Variants in ADGRE2 observed in about 807,000 individuals in gnomAD.
The protein encoded by ADGRE2 is adhesion G protein-coupled receptor E2.
ADGRE2 carries 83 observed loss-of-function variants against 100.8 expected under a neutral mutation model. That is an observed-to-expected ratio of 0.82 (90% confidence interval 0.69 to 0.99). ADGRE2 has a LOEUF of 0.99. Ranked by LOEUF, ADGRE2 falls within the 50% of genes least tolerant of loss-of-function variation. ADGRE2 has a pLI of 0.00. For synonymous variants in ADGRE2, 355 were observed against 413.0 expected (o/e 0.86, Z 1.70); for missense variants, 814 against 1,035.7 (o/e 0.79, Z 2.94).
rs1246522992 is a variant in ADGRE2 at position 14,732,990 on chromosome 19, C to G, written c.*3246G>C. ...TAGGTAGACTCTATGGGGATATGGGCTCTACACTCATAGGGACCCACATGT... is the reference window on the plus strand; with the variant it reads ...TAGGTAGACTCTATGGGGATATGGGGTCTACACTCATAGGGACCCACATGT... On this transcript the variant is annotated 3_prime_UTR_variant, in exon 21 of 21. Coordinates refer to ENST00000315576, the MANE Select transcript of ADGRE2 (RefSeq NM_013447.4). 1 of 151,952 alleles carries G rather than the reference C, an allele frequency of 6.6e-6. No individual in the cohort carries two copies. Among genetic ancestry groups the G allele is most frequent in the Non-Finnish European group, 1.5e-5 (1 of 67,998 alleles). 9.4% of individuals were successfully genotyped at this position (151,952 alleles called of 1,614,324 possible). A position where few individuals can be genotyped will look rare whatever the true frequency, so the allele number is the denominator to read the frequency against.
At chr19:14,746,345 T>G in intron 17 of ADGRE2, 22 bp from the exon 18 acceptor site, 1 of 1,399,470 alleles carries the variant, frequency 7.1e-7, no homozygotes, top group Non-Finnish European at 1.0e-6. Context: ...CACAGAAGAT[T>G]TGTTGAATAG....
chr19:14,744,111 G>A (rs1010696740), intron 18 of ADGRE2, among the ~76,000 whole-genome samples: 1 of 151,818 alleles, frequency 6.6e-6, no homozygotes, highest in African/African-American at 2.4e-5. Context: ...GTGTGGTCGG[G>A]GGGGCGCCTG....
At chr19:14,745,282 G>C (rs534267763) in intron 18 of ADGRE2, among the ~76,000 whole-genome samples, 1 of 152,006 alleles carries the variant, frequency 6.6e-6, no homozygotes, top group Admixed American at 6.6e-5. Context: ...TTATTGATTC[G>C]TAATGTTTGT....
At chr19:14,729,058 G>A (rs2042651295), downstream of ADGRE2, among the ~76,000 whole-genome samples, 3 of 152,186 alleles carry the variant, frequency 2.0e-5, no homozygotes, top group South Asian at 6.2e-4. Flanking sequence ...GGTGGAACGG[G>A]TGCAGAATGC....
chr19:14,748,964 T>A (rs1415442740), intron 16 of ADGRE2, among the ~76,000 whole-genome samples: 1 of 152,076 alleles, frequency 6.6e-6, no homozygotes, highest in East Asian at 1.9e-4. Flanking sequence ...ATCCCAGGAA[T>A]GTAAGGCTAG....
intron 12 of ADGRE2, 151 bp from the exon 13 acceptor site, chr19:14,756,028 A>G (rs2043490713): frequency 2.6e-6 from 2 of 768,814 alleles, no homozygotes; most frequent in Non-Finnish European, 4.3e-6. Context: ...CTTTAGTTCT[A>G]TGTGTATCAC....
At chr19:14,750,559 T>A (rs2043254277) in intron 16 of ADGRE2, among the ~76,000 whole-genome samples, 1 of 140,554 alleles carries the variant, frequency 7.1e-6, no homozygotes, top group Non-Finnish European at 1.5e-5. Context: ...TTTCAACCAG[T>A]GCAATTGGCA....
At chr19:14,746,375 C>CCT in intron 17 of ADGRE2, 52 bp from the exon 18 acceptor site, 2 of 777,282 alleles carry the variant, frequency 2.6e-6, no homozygotes, top group Non-Finnish European at 4.1e-6. Context: ...CCTGTTATCT[C>CCT]TTTTTTTTTT....
chr19:14,726,561 A>G, the ADGRE2 span, among the ~76,000 whole-genome samples: 1 of 152,148 alleles, frequency 6.6e-6, no homozygotes, highest in Non-Finnish European at 1.5e-5. Context: ...CTTTGCTCCC[A>G]CATCTGACTG....
intron 4 of ADGRE2, among the ~76,000 whole-genome samples, chr19:14,773,108 A>AAAAAAAAAAC (rs2044279405): frequency 6.8e-6 from 1 of 147,506 alleles, no homozygotes; most frequent in African/African-American, 2.5e-5. Flanking sequence ...ACAAAAAAAA[A>AAAAAAAAAAC]AAGAAAAAAG....
At chr19:14,740,689 T>G (rs1192563290) in intron 20 of ADGRE2, among the ~76,000 whole-genome samples, 1 of 151,552 alleles carries the variant, frequency 6.6e-6, no homozygotes, top group East Asian at 1.9e-4. Flanking sequence ...GTGGAAAAAG[T>G]GCCTGGCAGC....
intron 13 of ADGRE2, 143 bp from the exon 14 acceptor site, chr19:14,755,270 CTA>C (rs2043452908): frequency 6.0e-6 from 3 of 497,592 alleles, no homozygotes; most frequent in South Asian, 2.3e-5. Flanking sequence ...CCCATCTCTA[CTA>C]AAAAAAAAAA....
In ADGRE2 at chr19:14,743,526, C is replaced by T. The variant is rs117617387; in HGVS notation, c.2357G>A (p.Arg786Gln). 0.016 allele frequency: 26,504 copies of T among 1,613,930 alleles called. 258 individuals carry two copies. The highest frequency in any genetic ancestry group is 0.021 in the South Asian group (1,925 of 91,068). ...LVYCLLSQQV[R>Q]EQYGKWSKGI... ...TTTGGACCATTTCCCATATTGCTCC[C>T]GGACCTGCAGAGGCAAAGTGTGTAC... The change falls in exon 20 of 21, where the codon CGG (arginine) becomes CAG (glutamine). Residue 786 changes from arginine to glutamine, a missense_variant. Arg to Gln is a conservative substitution (Grantham distance 43). Coordinates refer to ENST00000315576, the MANE Select transcript of ADGRE2 (RefSeq NM_013447.4).
the ADGRE2 span, among the ~76,000 whole-genome samples, chr19:14,724,971 C>T: frequency 6.6e-6 from 1 of 152,094 alleles, no homozygotes; most frequent in Non-Finnish European, 1.5e-5. Flanking sequence ...TTTTGCATTA[C>T]TAAAAAGGAA....
chr19:14,728,808 G>A (rs2042649443), downstream of ADGRE2, among the ~76,000 whole-genome samples: 1 of 152,196 alleles, frequency 6.6e-6, no homozygotes, highest in African/African-American at 2.4e-5. Context: ...TTCTGCAGAA[G>A]GGTGCCACCC....
At chr19:14,728,107 G>A (rs1422418012), downstream of ADGRE2, among the ~76,000 whole-genome samples, 1 of 152,204 alleles carries the variant, frequency 6.6e-6, no homozygotes, top group Non-Finnish European at 1.5e-5. Context: ...CAACTACTCG[G>A]GAGGCTGAGG....
chr19:14,777,312 T>C (rs2044478668), intron 1 of ADGRE2, among the ~76,000 whole-genome samples: 1 of 152,198 alleles, frequency 6.6e-6, no homozygotes, highest in Non-Finnish European at 1.5e-5. Context: ...CAGCTGGCAG[T>C]ATCTTCCCCT....
At chr19:14,748,490 G>T (rs2043160123) in intron 16 of ADGRE2, among the ~76,000 whole-genome samples, 1 of 152,090 alleles carries the variant, frequency 6.6e-6, no homozygotes, top group South Asian at 2.1e-4. Flanking sequence ...TGTATTTTTA[G>T]TAGAGACGGG....
At chr19:14,772,873 A>C (rs955082764) in intron 4 of ADGRE2, among the ~76,000 whole-genome samples, 1 of 151,476 alleles carries the variant, frequency 6.6e-6, no homozygotes, top group African/African-American at 2.4e-5. Context: ...TGAGGTCAGG[A>C]GTTCGAGACC....
Sources: gnomAD v4.1 joint callset for allele counts (sites outside exome capture counted in the v4.1 genomes callset) on GRCh38, gnomAD v4.1.1 for gene constraint, MANE v1.5 for transcripts, NCBI Gene and HGNC (gene_info 2026-07-23, HGNC 2026-07-21) for gene names.